Variants in FBXL19 observed in about 807,000 individuals in gnomAD.
The protein encoded by FBXL19 is F-box and leucine rich repeat protein 19.
A neutral mutation model predicts 71.2 loss-of-function variants in FBXL19; 16 were observed. The observed-to-expected ratio is 0.22, with a 90% CI of 0.15 to 0.34. The LOEUF is 0.34. Ranked by LOEUF, FBXL19 falls within the 10% of genes least tolerant of loss-of-function variation. The probability of loss-of-function intolerance (pLI) is 1.00; values close to 1 mark genes in which losing one functional copy is unlikely to be tolerated. For synonymous variants in FBXL19, 447 were observed against 409.4 expected, an observed-to-expected ratio of 1.09 and a Z score of -1.11; for missense variants, 658 against 968.2, an observed-to-expected ratio of 0.68 and a Z score of 4.25.
Position 30,942,155 on chromosome 16 carries a change from C to T in FBXL19, c.1341C>T (p.Ser447=). 6.3e-7 allele frequency: 1 copy of T among 1,599,264 alleles called. No homozygotes were observed. The highest frequency in any genetic ancestry group is 8.5e-7 in the Non-Finnish European group (1 of 1,172,552). Residue 447 remains serine, a synonymous_variant, in exon 8 of 11, where the codon AGC becomes AGT. Transcript: ENST00000338343. This position sits in a 1 kb window ranked among gnomAD's most constrained non-coding sequence, Gnocchi z 5.7. The part of the protein sequence containing the change: ...DKRLWPRMDL[S]RRKSLTPPML... ...GTCTGTGGCCTCGAATGGACCTGAGCCGGCGGAAGTCACTGACCCCGCCCA... is the reference window on the plus strand; with the variant it reads ...GTCTGTGGCCTCGAATGGACCTGAGTCGGCGGAAGTCACTGACCCCGCCCA...
rs2055888734 is a variant in FBXL19, at chr16:30,948,328, A to AAATAGCAGCC, written c.*1101_*1110dup. On this transcript the variant is annotated 3_prime_UTR_variant, in exon 11 of 11. Transcript: ENST00000338343. Reference sequence around the variant, plus strand: ...GAACTGCCACTCCTGGTTGCCATGGAAATAGCAGCCAACGGACACCTCCCG... The same window carrying AAATAGCAGCC: ...GAACTGCCACTCCTGGTTGCCATGGAAATAGCAGCCAATAGCAGCCAACGGACACCTCCCG... 6.5e-6 allele frequency: 1 copy of AAATAGCAGCC among 152,810 alleles called. No individual in the cohort carries two copies. The highest frequency in any genetic ancestry group is 6.5e-5 in the Admixed American group (1 of 15,292). 9.5% of individuals were successfully genotyped at this position (152,810 alleles called of 1,614,324 possible).
chr16:30,923,726 C>G lies in FBXL19; in HGVS notation c.-758C>G, dbSNP rs1428768203. Reference sequence around the variant, plus strand: ...TCCCCCTCTATCCTTTCCTTCCACCCTCCCGCTTGAGGAGGGGGATTTATT... The same window carrying G: ...TCCCCCTCTATCCTTTCCTTCCACCGTCCCGCTTGAGGAGGGGGATTTATT... On this transcript the variant is annotated 5_prime_UTR_variant, in exon 1 of 11. Transcript: ENST00000338343. Among the ~76,000 whole-genome samples the G allele has an allele frequency of 6.6e-6, 1 of 151,520 alleles. No homozygotes were observed. The highest frequency in any genetic ancestry group is 1.5e-5 in the Non-Finnish European group (1 of 67,826).
intron 9 of FBXL19, among the ~76,000 whole-genome samples, chr16:30,943,083 T>C (rs2055819759): frequency 6.6e-6 from 1 of 152,228 alleles, no homozygotes; most frequent in Non-Finnish European, 1.5e-5. Context: ...GCTCCATAGA[T>C]AGCTGTTGAA....
rs962468553 is a variant in FBXL19 at position 30,930,108 on chromosome 16, A to G, written c.825A>G (p.Pro275=). Residue 275 remains proline (P), a synonymous_variant, in exon 7 of 11, where the codon CCA becomes CCG. Transcript: ENST00000338343. This position sits in a 1 kb window ranked among gnomAD's most constrained non-coding sequence, Gnocchi z 8.5. ...PKPPLASAEG[P]AVPSPSPQRE... is the part of the protein sequence containing the mutation. ...CGCCTTTGGCCTCTGCAGAGGGCCC[A>G]GCGGTGCCGTCCCCGTCCCCGCAGA... The G allele has an allele frequency of 1.2e-6, 2 of 1,613,570 alleles. No individual in the cohort carries two copies. Among genetic ancestry groups the G allele is most frequent in the African/African-American group, 2.7e-5 (2 of 75,060 alleles).
chr16:30,932,038 G>T (rs2055680626), intron 7 of FBXL19, among the ~76,000 whole-genome samples: 1 of 152,092 alleles, frequency 6.6e-6, no homozygotes. Context: ...ACCGGTTATG[G>T]TTATAGCTGA....
chr16:30,935,217 T>C (rs143335024), intron 7 of FBXL19, among the ~76,000 whole-genome samples: 1 of 152,302 alleles, frequency 6.6e-6, no homozygotes, highest in Non-Finnish European at 1.5e-5. Context: ...CTTGATTCGT[T>C]TGTTCCTGTT....
At chr16:30,945,425 C>T (rs1214966059) in intron 9 of FBXL19, among the ~76,000 whole-genome samples, 3 of 152,048 alleles carry the variant, frequency 2.0e-5, no homozygotes, top group Middle Eastern at 3.4e-3. Flanking sequence ...TTTGGGAGGC[C>T]GAGGTGGGCA....
Position 30,930,332 on chromosome 16 carries a change from G to A in FBXL19, c.1049G>A (p.Arg350Gln), listed in dbSNP as rs1421746804. ...GGCGAGAAGGAGAACCGTGGGGGGC[G>A]GCGGGCTGTGCGCCCTGGCAGTGGG... ...SSGEKENRGG[R>Q]RAVRPGSGGP... The change falls in exon 7 of 11, where the codon CGG becomes CAG. Residue 350 changes from arginine to glutamine, a missense_variant. Arg to Gln is a conservative substitution (Grantham distance 43). This residue lies in a region of FBXL19 where 447 missense variants were observed against 515.4 expected (regional missense o/e 0.87). Transcript: ENST00000338343. This position sits in a 1 kb window ranked among gnomAD's most constrained non-coding sequence, Gnocchi z 8.5. The A allele has an allele frequency of 6.3e-6, 10 of 1,598,294 alleles. No individual in the cohort carries two copies. Among genetic ancestry groups the A allele is most frequent in the Non-Finnish European group, 7.7e-6 (9 of 1,173,206 alleles).
At position 30,928,447 on chromosome 16, in the gene FBXL19, T is replaced by A; in HGVS notation, c.628-20T>A. ...AATGGGGTCTCTCCCTTCCTCCATA[T>A]CTCCCTCTCACCCTGGTAGGTGAAA... is the stretch of plus-strand genomic sequence containing the variant. On this transcript the variant is annotated intron_variant, in intron 5 of 10. Transcript: ENST00000338343. 2 of 1,542,610 alleles carry A rather than the reference T, an allele frequency of 1.3e-6. No individual in the cohort carries two copies. Among genetic ancestry groups the A allele is most frequent in the Non-Finnish European group, 1.7e-6 (2 of 1,143,886 alleles).
At chr16:30,926,192 G>A (rs1391500217) in intron 2 of FBXL19, among the ~76,000 whole-genome samples, 3 of 152,114 alleles carry the variant, frequency 2.0e-5, no homozygotes, top group Admixed American at 6.6e-5. Context: ...CCCGCAGAAT[G>A]CCCAGCCCCT....
At chr16:30,932,617 G>C (rs1158889916) in intron 7 of FBXL19, among the ~76,000 whole-genome samples, 1 of 152,150 alleles carries the variant, frequency 6.6e-6, no homozygotes, top group Admixed American at 6.5e-5. Context: ...GTCTGGGTTT[G>C]TATGAATACT....
chr16:30,925,692 C>A lies in FBXL19; in HGVS notation c.-24-39C>A. The A allele has an allele frequency of 6.8e-7, 1 of 1,468,812 alleles. No individual in the cohort carries two copies. Among genetic ancestry groups the A allele is most frequent in the Non-Finnish European group, 8.9e-7 (1 of 1,118,422 alleles). 91.0% of individuals were successfully genotyped at this position (1,468,812 alleles called of 1,614,324 possible). A position where few individuals can be genotyped will look rare whatever the true frequency, so the allele number is the denominator to read the frequency against. ...GTCAGGGGTCTCCCAGGCCAGGGCC[C>A]CAGTGGGCCCATCTGACCCTGCCAC... On this transcript the variant is annotated intron_variant, in intron 1 of 10. Coordinates refer to ENST00000338343, the MANE Select transcript of FBXL19 (RefSeq NM_001382779.1). The surrounding 1 kb of genome is among the most constrained non-coding windows in gnomAD (Gnocchi z 5.0).
rs1347819721 is a variant in FBXL19, at chr16:30,927,269, T to TCA, written c.178-39_178-38insCA. On this transcript the variant is annotated intron_variant, in intron 2 of 10. Transcript: ENST00000338343. ...GAAGGAAGGGTCTTTCCCCTGTTGT[T>TCA]AGCTTTCGGGGCCCCTGATGTCCCC... is the stretch of plus-strand genomic sequence containing the variant. The TCA allele has an allele frequency of 2.0e-6, 3 of 1,524,764 alleles. No individual in the cohort carries two copies. The African/African-American group carries it at 4.2e-5, about 21-fold the overall frequency. The allele number at this position is 1,524,764 out of a possible 1,614,324, so 94.5% of individuals were successfully genotyped here. A position where few individuals can be genotyped will look rare whatever the true frequency, so the allele number is the denominator to read the frequency against.
chr16:30,925,732 C>A lies in FBXL19; in HGVS notation c.-23C>A. On this transcript the variant is annotated splice_region_variant and 5_prime_UTR_variant, in exon 2 of 11. Transcript: ENST00000338343. The surrounding 1 kb of genome is among the most constrained non-coding windows in gnomAD (Gnocchi z 5.0). Reference sequence around the variant, plus strand: ...GACCCTGCCACCATCCACCTACAGCCCTCGGCGTTGCTGACGCCCCCAATG... The same window carrying A: ...GACCCTGCCACCATCCACCTACAGCACTCGGCGTTGCTGACGCCCCCAATG... The A allele has an allele frequency of 6.7e-7, 1 of 1,491,538 alleles. No individual in the cohort carries two copies. Among genetic ancestry groups the A allele is most frequent in the Non-Finnish European group, 8.9e-7 (1 of 1,126,324 alleles). 92.4% of individuals were successfully genotyped at this position (1,491,538 alleles called of 1,614,324 possible).
Position 30,927,435 on chromosome 16 carries a change from A to T in FBXL19, c.305A>T (p.His102Leu). The T allele has an allele frequency of 6.3e-7, 1 of 1,590,092 alleles. No homozygotes were observed. The highest frequency in any genetic ancestry group is 8.6e-7 in the Non-Finnish European group (1 of 1,168,344). ...TGTACAATCTGCAACGAGATCGTCC[A>T]CCCCGGCTGCCTGAAGGTGATGGCC... ...MECTICNEIV[H>L]PGCLKMGKAE... Residue 102 changes from histidine to leucine, a missense_variant, in exon 3 of 11, where the codon CAC becomes CTC. Physicochemically the swap from His to Leu is moderately conservative, Grantham distance 99. Around this residue, in one of 8 missense-constraint regions of FBXL19, gnomAD observed 447 missense variants for 515.4 expected, o/e 0.87. Transcript: ENST00000338343.
chr16:30,946,834 C>A lies in FBXL19; in HGVS notation c.1732C>A (p.Gln578Lys). 6.2e-7 allele frequency: 1 copy of A among 1,612,580 alleles called. No individual in the cohort carries two copies. ...GCGTCTCCTGCTGCGTCACGCACCCCAGCTGAGCGCCCTGGACCTGAGCCA... is the reference window on the plus strand; with the variant it reads ...GCGTCTCCTGCTGCGTCACGCACCCAAGCTGAGCGCCCTGGACCTGAGCCA... ...SLRLLLRHAP[Q>K]LSALDLSHCA... The change falls in exon 10 of 11, where the codon CAG (glutamine) becomes AAG (lysine). Residue 578 changes from glutamine to lysine, a missense_variant. Transcript: ENST00000338343. The surrounding 1 kb of genome is among the most constrained non-coding windows in gnomAD (Gnocchi z 6.7).
chr16:30,927,846 G>A lies in FBXL19; in HGVS notation c.510G>A (p.Pro170=). The A allele has an allele frequency of 6.5e-7, 1 of 1,542,336 alleles. No individual in the cohort carries two copies. ...WKLTEEPPLP[P]PPPRRKGPLP... ...TGACAGAGGAGCCACCGCTTCCACC[G>A]CCCCCGCCCAGGCGCAAGGGCCCCC... The change falls in exon 5 of 11, where the codon CCG becomes CCA. Residue 170 remains proline, a synonymous_variant. Transcript: ENST00000338343.
rs145877964 is a variant in FBXL19, at chr16:30,942,808, G to T, written c.1627+272G>T. Among the ~76,000 whole-genome samples the T allele has an allele frequency of 1.5e-4, 23 of 152,330 alleles. No homozygotes were observed. The East Asian group carries it at 4.4e-3, about 29-fold the overall frequency. On this transcript the variant is annotated intron_variant, in intron 9 of 10. Coordinates refer to ENST00000338343, the MANE Select transcript of FBXL19 (RefSeq NM_001382779.1). This position sits in a 1 kb window ranked among gnomAD's most constrained non-coding sequence, Gnocchi z 5.7. ...CAGGAGGCCCATATTGGCAGAGGGG[G>T]ATGCTGGGAGCAGAGGCCATCTCTC...
chr16:30,926,736 C>A (rs765968689), intron 2 of FBXL19, among the ~76,000 whole-genome samples: 12 of 152,100 alleles, frequency 7.9e-5, no homozygotes, highest in Non-Finnish European at 1.6e-4. Context: ...CTTGATCCTG[C>A]CGCATCCTTG....
Sources: gnomAD v4.1 joint callset for allele counts (sites outside exome capture counted in the v4.1 genomes callset) on GRCh38, gnomAD v4.1.1 for gene constraint, gnomAD v4.1.1 regional missense constraint, Gnocchi (gnomAD v3.1) non-coding constraint, MANE v1.5 for transcripts, NCBI Gene and HGNC (gene_info 2026-07-23, HGNC 2026-07-21) for gene names.